Variants in RPS6KC1 observed in about 807,000 individuals in gnomAD.
RPS6KC1 encodes ribosomal protein S6 kinase C1.
Under a neutral mutation model 103.8 loss-of-function variants are expected in RPS6KC1, and 54 were observed. That is an observed-to-expected ratio of 0.52 (90% confidence interval 0.42 to 0.65). RPS6KC1 has a LOEUF of 0.65. Ranked by LOEUF, RPS6KC1 falls within the 30% of genes least tolerant of loss-of-function variation. RPS6KC1 has a pLI of 0.00. For missense variants in RPS6KC1, 1,151 were observed against 1,253.8 expected (o/e 0.92, Z 1.24); for synonymous variants, 439 against 438.7 (o/e 1.00, Z -0.01).
At chr1:213,324,593 C>CTTGTTTTTTTT in the RPS6KC1 span, among the ~76,000 whole-genome samples, 1 of 81,822 alleles carries the variant, frequency 1.2e-5, no homozygotes, top group South Asian at 5.2e-4. Flanking sequence ...GCTCGATATG[C>CTTGTTTTTTTT]TTTTTTTTTT....
chr1:213,438,774 T>A, the RPS6KC1 span, among the ~76,000 whole-genome samples: 1 of 151,772 alleles, frequency 6.6e-6, no homozygotes, highest in Non-Finnish European at 1.5e-5. Flanking sequence ...GGCTCTTGTT[T>A]CTCTGGAATC....
chr1:213,167,484 AC>A (rs1558462524), intron 6 of RPS6KC1, among the ~76,000 whole-genome samples: 3,152 of 138,792 alleles, frequency 0.023, 136 homozygotes, highest in African/African-American at 0.081. Flanking sequence ...ACACACACAC[AC>A]ACACAACAGC....
In RPS6KC1 at chr1:213,240,749, G is replaced by T; in HGVS notation, c.1273G>T (p.Glu425Ter). 4 of 1,613,566 alleles carry T rather than the reference G, an allele frequency of 2.5e-6. No individual in the cohort carries two copies. Among genetic ancestry groups the T allele is most frequent in the Non-Finnish European group, 3.4e-6 (4 of 1,179,736 alleles). The change falls in exon 11 of 15, where the codon GAA (glutamate) becomes TAA (stop). Residue 425 changes from glutamate (E) to a stop codon, truncating the protein, a stop_gained. Transcript: ENST00000366960. LOFTEE classifies it high-confidence loss of function. ...CAGTAAATTTCTAAACAGAAGTCCT[G>T]AAGAAAGCTTTGACATCAAGGAAGT... ...YISKFLNRSP[E>*]ESFDIKEVKK...
At chr1:213,730,444 AC>A in the RPS6KC1 span, among the ~76,000 whole-genome samples, 9 of 151,896 alleles carry the variant, frequency 5.9e-5, no homozygotes, top group Non-Finnish European at 1.5e-5. Context: ...TTATTTTTTG[AC>A]TTTTAAGTAT....
the RPS6KC1 span, among the ~76,000 whole-genome samples, chr1:213,300,614 T>C: frequency 6.6e-6 from 1 of 152,142 alleles, no homozygotes; most frequent in South Asian, 2.1e-4. Context: ...AGTCTGTCTT[T>C]GGTAGGCTTC....
chr1:213,567,671 T>G, the RPS6KC1 span, among the ~76,000 whole-genome samples: 1 of 152,224 alleles, frequency 6.6e-6, no homozygotes, highest in African/African-American at 2.4e-5. Context: ...TCACTTGGAT[T>G]ATTGTATTAA....
the RPS6KC1 span, among the ~76,000 whole-genome samples, chr1:213,551,520 T>G: frequency 6.6e-6 from 1 of 152,196 alleles, no homozygotes; most frequent in Non-Finnish European, 1.5e-5. Context: ...CTACACTTCT[T>G]AAGTACAGTA....
At chr1:213,843,346 A>T in the RPS6KC1 span, 2 of 152,208 alleles carry the variant, frequency 1.3e-5, no homozygotes, top group African/African-American at 4.8e-5. Context: ...CAACCATTAC[A>T]AATGGAAACA....
intron 4 of RPS6KC1, among the ~76,000 whole-genome samples, chr1:213,112,303 T>A (rs533282641): frequency 4.6e-5 from 7 of 152,120 alleles, no homozygotes; most frequent in Non-Finnish European, 5.9e-5. Flanking sequence ...GGAGCATACA[T>A]AAAGCTATAG....
the RPS6KC1 span, among the ~76,000 whole-genome samples, chr1:213,460,516 A>G: frequency 1.3e-5 from 2 of 150,434 alleles, no homozygotes; most frequent in African/African-American, 2.5e-5. Context: ...AATACAGTGC[A>G]CCTATGGGTC....
At chr1:213,461,180 C>G in the RPS6KC1 span, among the ~76,000 whole-genome samples, 1 of 152,168 alleles carries the variant, frequency 6.6e-6, no homozygotes, top group African/African-American at 2.4e-5. Flanking sequence ...CTCCCATTCA[C>G]AATTGCTACA....
chr1:213,539,761 T>A, the RPS6KC1 span, among the ~76,000 whole-genome samples: 1 of 152,146 alleles, frequency 6.6e-6, no homozygotes, highest in Non-Finnish European at 1.5e-5. Context: ...GAGTTTCAGT[T>A]TACTTAGTAA....
the RPS6KC1 span, among the ~76,000 whole-genome samples, chr1:213,734,747 T>A: frequency 6.6e-6 from 1 of 152,242 alleles, no homozygotes; most frequent in African/African-American, 2.4e-5. Context: ...TATCAATACA[T>A]CTATTAGTTT....
At chr1:213,399,423 G>A in the RPS6KC1 span, among the ~76,000 whole-genome samples, 3 of 152,278 alleles carry the variant, frequency 2.0e-5, no homozygotes, top group Admixed American at 6.5e-5. Context: ...AAAGATGTGA[G>A]CCTTGGCTGT....
intron 4 of RPS6KC1, among the ~76,000 whole-genome samples, chr1:213,112,543 CTTTT>C (rs570534857): frequency 6.7e-6 from 1 of 150,338 alleles, no homozygotes; most frequent in Non-Finnish European, 1.5e-5. Flanking sequence ...GGTTCTCAAA[CTTTT>C]TTTTTATTTT....
intron 14 of RPS6KC1, among the ~76,000 whole-genome samples, chr1:213,266,942 A>G (rs939542388): frequency 1.8e-5 from 2 of 110,862 alleles, no homozygotes; most frequent in African/African-American, 6.7e-5. Context: ...AAACAAACAA[A>G]CAAAAAACAG....
chr1:213,260,560 A>G (rs972754514), intron 12 of RPS6KC1, among the ~76,000 whole-genome samples: 7 of 152,136 alleles, frequency 4.6e-5, no homozygotes, highest in African/African-American at 1.7e-4. Flanking sequence ...TACCACTTAC[A>G]TGTTTTACTT....
At chr1:213,496,550 G>A in the RPS6KC1 span, among the ~76,000 whole-genome samples, 1 of 152,246 alleles carries the variant, frequency 6.6e-6, no homozygotes, top group South Asian at 2.1e-4. Context: ...TTGAGGTCAA[G>A]GGTTTGAGAC....
At chr1:213,782,833 G>A in the RPS6KC1 span, among the ~76,000 whole-genome samples, 1 of 152,170 alleles carries the variant, frequency 6.6e-6, no homozygotes, top group African/African-American at 2.4e-5. Context: ...TAAGGGTAAG[G>A]CACAACAGCC....
Sources: gnomAD v4.1 joint callset for allele counts (sites outside exome capture counted in the v4.1 genomes callset) on GRCh38, gnomAD v4.1.1 for gene constraint, MANE v1.5 for transcripts, NCBI Gene and HGNC (gene_info 2026-07-23, HGNC 2026-07-21) for gene names.